Variants in RELL1 observed in about 807,000 individuals in gnomAD.
The protein encoded by RELL1 is RELT like 1.
A neutral mutation model predicts 23.0 loss-of-function variants in RELL1; 10 were observed. The observed-to-expected ratio is 0.43, with a 90% confidence interval of 0.27 to 0.74. The LOEUF (loss-of-function observed/expected upper bound fraction) is 0.74, where lower values mean the gene tolerates loss of function less well. Ranked by LOEUF, RELL1 falls within the 30% of genes least tolerant of loss-of-function variation. The probability of loss-of-function intolerance (pLI) is 0.19; values close to 1 mark genes in which losing one functional copy is unlikely to be tolerated. For missense variants in RELL1, 315 were observed against 364.4 expected (o/e 0.86, Z 1.10); for synonymous variants, 146 against 146.8 (o/e 0.99, Z 0.04).
At chr4:37,605,288 G>C (rs1331279521) in intron 6 of RELL1, among the ~76,000 whole-genome samples, 1 of 152,152 alleles carries the variant, frequency 6.6e-6, no homozygotes, top group Non-Finnish European at 1.5e-5. Flanking sequence ...GGGCCTAGTA[G>C]CTGTGACATC....
At chr4:37,681,362 C>T (rs1425353173) in intron 1 of RELL1, among the ~76,000 whole-genome samples, 1 of 152,038 alleles carries the variant, frequency 6.6e-6, no homozygotes, top group Non-Finnish European at 1.5e-5. Context: ...AGATATATGC[C>T]ACTTTGCCAT....
intron 1 of RELL1, among the ~76,000 whole-genome samples, chr4:37,663,659 G>A (rs1202841715): frequency 6.6e-6 from 1 of 152,156 alleles, no homozygotes; most frequent in African/African-American, 2.4e-5. Context: ...TGAGGCACAC[G>A]GGTTCAATAA....
At chr4:37,679,255 T>G (rs1722124471) in intron 1 of RELL1, among the ~76,000 whole-genome samples, 1 of 152,246 alleles carries the variant, frequency 6.6e-6, no homozygotes, top group Non-Finnish European at 1.5e-5. Flanking sequence ...GTTTCCATTC[T>G]AATTGGCACC....
intron 1 of RELL1, among the ~76,000 whole-genome samples, chr4:37,683,330 C>T (rs1246581272): frequency 2.0e-5 from 3 of 152,212 alleles, no homozygotes; most frequent in Non-Finnish European, 4.4e-5. Flanking sequence ...CAGACACCTC[C>T]TAGTGGTTCT....
intron 1 of RELL1, among the ~76,000 whole-genome samples, chr4:37,658,088 G>T (rs1721190996): frequency 6.6e-6 from 1 of 152,090 alleles, no homozygotes; most frequent in Admixed American, 6.6e-5. Flanking sequence ...GACATCTGTT[G>T]GTAACTAGGA....
At chr4:37,602,242 A>G (rs1044572307) in intron 6 of RELL1, among the ~76,000 whole-genome samples, 5 of 134,488 alleles carry the variant, frequency 3.7e-5, no homozygotes, top group African/African-American at 8.3e-5. Flanking sequence ...AAAAAAAAGC[A>G]ACCAGCACTG....
At chr4:37,644,616 C>A (rs1040220900) in intron 3 of RELL1, among the ~76,000 whole-genome samples, 5 of 151,690 alleles carry the variant, frequency 3.3e-5, no homozygotes, top group African/African-American at 7.3e-5. Flanking sequence ...TGCACCACCA[C>A]GCCCAGCTAA....
chr4:37,628,486 A>T (rs1432363102), intron 6 of RELL1, among the ~76,000 whole-genome samples: 3 of 152,214 alleles, frequency 2.0e-5, no homozygotes, highest in African/African-American at 7.2e-5. Flanking sequence ...TACTCCATGG[A>T]TCATGGACAT....
intron 6 of RELL1, among the ~76,000 whole-genome samples, chr4:37,616,375 C>A (rs1286149478): frequency 2.0e-5 from 3 of 152,224 alleles, no homozygotes; most frequent in Admixed American, 6.5e-5. Context: ...TATCCAGTCA[C>A]CCCGGACACA....
chr4:37,625,446 T>C (rs556065124), intron 6 of RELL1, among the ~76,000 whole-genome samples: 1 of 152,240 alleles, frequency 6.6e-6, no homozygotes, highest in Admixed American at 6.5e-5. Flanking sequence ...GAGAAAATAT[T>C]TGCAAACCAT....
At chr4:37,594,430 G>A (rs1247061345) in intron 6 of RELL1, among the ~76,000 whole-genome samples, 1 of 152,174 alleles carries the variant, frequency 6.6e-6, no homozygotes, top group African/African-American at 2.4e-5. Context: ...AGACTTCACA[G>A]TTCCCCATGA....
chr4:37,634,402 T>G (rs1412272479), intron 5 of RELL1, among the ~76,000 whole-genome samples: 4 of 152,158 alleles, frequency 2.6e-5, no homozygotes, highest in Admixed American at 6.5e-5. Context: ...TTCCAGCCAG[T>G]GGAGTGTGAG....
chr4:37,634,737 AG>A, intron 5 of RELL1, 149 bp downstream of exon 5: 1 of 692,452 alleles, frequency 1.4e-6, no homozygotes, highest in East Asian at 2.6e-5. Flanking sequence ...GGAAAAATCT[AG>A]GACTCACACC....
intron 1 of RELL1, among the ~76,000 whole-genome samples, chr4:37,677,396 T>A (rs1474123907): frequency 1.3e-5 from 2 of 152,210 alleles, no homozygotes; most frequent in East Asian, 1.9e-4. Flanking sequence ...CCAGCCCTAA[T>A]ACTACAGGAC....
chr4:37,650,191 C>T (rs985559579), intron 1 of RELL1, among the ~76,000 whole-genome samples: 2 of 152,150 alleles, frequency 1.3e-5, no homozygotes, highest in East Asian at 1.9e-4. Flanking sequence ...GCAAAACAGG[C>T]GGAGATTTGT....
intron 6 of RELL1, among the ~76,000 whole-genome samples, chr4:37,595,253 C>T (rs562590357): frequency 6.6e-6 from 1 of 152,310 alleles, no homozygotes. Context: ...ACAAACCACA[C>T]CTAAGTGGTC....
intron 6 of RELL1, among the ~76,000 whole-genome samples, chr4:37,624,418 C>CT (rs35118296): frequency 0.034 from 3,739 of 111,266 alleles, 183 homozygotes; most frequent in East Asian, 0.18. Flanking sequence ...TTCTTTCTTT[C>CT]TTTTTTTTTT....
chr4:37,590,372 C>T (rs772157970), downstream of RELL1: 1 of 1,613,928 alleles, frequency 6.2e-7, no homozygotes, highest in South Asian at 1.1e-5. Context: ...CCTGCTGCCA[C>T]TCCACAGCCC....
intron 1 of RELL1, among the ~76,000 whole-genome samples, chr4:37,670,646 C>G (rs1226536924): frequency 6.6e-6 from 1 of 151,474 alleles, no homozygotes; most frequent in Middle Eastern, 3.2e-3. Flanking sequence ...TCTCTGCTCA[C>G]TGCAACCTCT....
Sources: allele counts gnomAD v4.1 joint callset (sites outside exome capture counted in the v4.1 genomes callset), GRCh38; gene constraint gnomAD v4.1.1; transcripts MANE v1.5; gene names NCBI Gene and HGNC (gene_info 2026-07-23, HGNC 2026-07-21).